The following METTL15 variants were observed in gnomAD, a reference collection of about 807,000 sequenced individuals.
METTL15 encodes methyltransferase 15, mitochondrial 12S rRNA N4-cytidine, also known as 12S rRNA N(4)-cytidine methyltransferase METTL15.
A neutral mutation model predicts 38.3 loss-of-function variants in METTL15; 34 were observed. That is an observed-to-expected ratio of 0.89 (90% CI 0.68 to 1.18). METTL15 has a LOEUF of 1.18. Among genes scored for constraint, METTL15 ranks in the 50% most tolerant of loss-of-function variants. METTL15 has a pLI of 0.00. For missense variants in METTL15, 438 were observed against 498.4 expected (o/e 0.88, Z 1.15); for synonymous variants, 162 against 170.9 (o/e 0.95, Z 0.41).
chr11:28,133,865 A>G (rs1425388413), intron 3 of METTL15, among the ~76,000 whole-genome samples: 5 of 152,190 alleles, frequency 3.3e-5, no homozygotes, highest in African/African-American at 1.2e-4. Context: ...GAGATAATGA[A>G]TATATATTTG....
intron 6 of METTL15, among the ~76,000 whole-genome samples, chr11:28,479,128 T>C (rs993875258): frequency 1.9e-4 from 29 of 151,900 alleles, no homozygotes; most frequent in Non-Finnish European, 1.8e-4. Flanking sequence ...ATTCCAGCCA[T>C]GATCAGTTGA....
At chr11:28,374,636 T>C (rs1850285219) in intron 5 of METTL15, among the ~76,000 whole-genome samples, 1 of 145,768 alleles carries the variant, frequency 6.9e-6, no homozygotes, top group South Asian at 2.3e-4. Context: ...CTTCCTCTTT[T>C]CCTAATTGAA....
At chr11:28,238,973 T>C (rs1297323432) in intron 4 of METTL15, among the ~76,000 whole-genome samples, 4 of 152,200 alleles carry the variant, frequency 2.6e-5, no homozygotes, top group Admixed American at 2.0e-4. Flanking sequence ...TTTTTTTTCC[T>C]ATCTGTACTG....
At chr11:28,310,950 GTGGTGGTGGTGGTGGGT>G (rs1857266306) in intron 6 of METTL15, among the ~76,000 whole-genome samples, 2 of 142,712 alleles carry the variant, frequency 1.4e-5, no homozygotes, top group Admixed American at 7.0e-5. Context: ...GGTGGTGGTG[GTGGTGGTGGTGGTGGGT>G]GTGTGTGTGT....
At chr11:28,226,540 A>G (rs1853485111) in intron 4 of METTL15, among the ~76,000 whole-genome samples, 1 of 151,852 alleles carries the variant, frequency 6.6e-6, no homozygotes, top group Non-Finnish European at 1.5e-5. Context: ...GAAGTTTATC[A>G]TTTTCCTTCT....
chr11:28,510,985 G>C (rs1851669017), intron 6 of METTL15, among the ~76,000 whole-genome samples: 1 of 152,174 alleles, frequency 6.6e-6, no homozygotes, highest in African/African-American at 2.4e-5. Context: ...ACACTGGAGG[G>C]CTTCTGAAGG....
At chr11:28,134,710 A>G (rs921399493) in intron 3 of METTL15, 1 of 397,472 alleles carries the variant, frequency 2.5e-6, no homozygotes, top group Non-Finnish European at 4.4e-6. Flanking sequence ...TCACCATTTG[A>G]AGTTTAATGG....
chr11:28,308,892 G>GTAGGTAGATAGA (rs72449461), intron 6 of METTL15, among the ~76,000 whole-genome samples: 197 of 147,000 alleles, frequency 1.3e-3, no homozygotes, highest in East Asian at 2.4e-3. Flanking sequence ...AGGTAGGTAG[G>GTAGGTAGATAGA]TAGATAGATA....
Position 28,396,909 on chromosome 11 carries a change from C to G in METTL15, c.*359-27390C>G, listed in dbSNP as rs181212401. ...ACAACAGAGAAATAGACCAATGGAA[C>G]AGAACAGAGCCCTCAGAAATAATAC... is the stretch of plus-strand genomic sequence containing the variant. On this transcript the variant is annotated intron_variant and NMD_transcript_variant, in intron 5 of 7. Coordinates refer to the METTL15 transcript ENST00000532947. 9.7e-3 allele frequency among the ~76,000 whole-genome samples: 1,469 copies of G among 152,186 alleles called. 11 individuals carry two copies. The highest frequency in any genetic ancestry group is 0.016 in the Non-Finnish European group (1,122 of 68,002).
Position 28,332,500 on chromosome 11 carries a change from T to C in METTL15, c.*1659T>C, listed in dbSNP as rs1321221070. Reference sequence around the variant, plus strand: ...TTTTTTATGTTAAATAGAAACTGAATGTACTGGGTTGAATGGTGTCCTCTC... The same window carrying C: ...TTTTTTATGTTAAATAGAAACTGAACGTACTGGGTTGAATGGTGTCCTCTC... On this transcript the variant is annotated 3_prime_UTR_variant, in exon 7 of 7. Coordinates refer to ENST00000407364, the MANE Select transcript of METTL15 (RefSeq NM_001113528.2). 6.6e-6 allele frequency: 1 copy of C among 151,434 alleles called. No homozygotes were observed. Among genetic ancestry groups the C allele is most frequent in the Non-Finnish European group, 1.5e-5 (1 of 67,962 alleles). 9.4% of individuals were successfully genotyped at this position (151,434 alleles called of 1,614,324 possible). A position where few individuals can be genotyped will look rare whatever the true frequency, so the allele number is the denominator to read the frequency against.
chr11:28,246,054 C>T lies in METTL15; in HGVS notation c.407+34856C>T, dbSNP rs147933025. On this transcript the variant is annotated intron_variant, in intron 4 of 6. Transcript: ENST00000407364. Reference sequence around the variant, plus strand: ...AATAAAAATATTATTTCTGGCGAGGCGGCGATGAAAAGAGGTTGATTAATG... The same window carrying T: ...AATAAAAATATTATTTCTGGCGAGGTGGCGATGAAAAGAGGTTGATTAATG... 1.7e-4 allele frequency among the ~76,000 whole-genome samples: 26 copies of T among 151,956 alleles called. No homozygotes were observed. The East Asian group carries it at 1.9e-3, about 11-fold the overall frequency.
At chr11:28,132,298 A>G (rs181346113) in intron 3 of METTL15, among the ~76,000 whole-genome samples, 1 of 152,232 alleles carries the variant, frequency 6.6e-6, no homozygotes, top group East Asian at 1.9e-4. Flanking sequence ...TTTAAATGGT[A>G]ATATGTAATA....
chr11:28,475,402 A>G (rs1851337553), intron 6 of METTL15, among the ~76,000 whole-genome samples: 1 of 152,240 alleles, frequency 6.6e-6, no homozygotes, highest in Admixed American at 6.5e-5. Context: ...TCTATTGTCC[A>G]AGATTTCTAC....
At chr11:28,111,630 CTG>C (rs1484866390) in intron 2 of METTL15, among the ~76,000 whole-genome samples, 2 of 152,178 alleles carry the variant, frequency 1.3e-5, no homozygotes, top group Non-Finnish European at 2.9e-5. Flanking sequence ...TGGGGGTAGA[CTG>C]TGTTACAATT....
At chr11:28,385,147 A>T (rs1850427451) in intron 5 of METTL15, among the ~76,000 whole-genome samples, 1 of 152,154 alleles carries the variant, frequency 6.6e-6, no homozygotes, top group Admixed American at 6.6e-5. Flanking sequence ...CTTTAGTTTA[A>T]TTAGAAGCCA....
chr11:28,303,308 T>C (rs1856973483), intron 6 of METTL15, among the ~76,000 whole-genome samples: 1 of 152,194 alleles, frequency 6.6e-6, no homozygotes, highest in East Asian at 1.9e-4. Flanking sequence ...ATAGTTATGA[T>C]AATAATCATT....
chr11:28,498,309 C>A (rs1360691966), intron 6 of METTL15, among the ~76,000 whole-genome samples: 1 of 152,018 alleles, frequency 6.6e-6, no homozygotes, highest in Non-Finnish European at 1.5e-5. Context: ...TAGGCGCCCA[C>A]CACCACGCCC....
chr11:28,300,838 AGAGTTG>A (rs1488757720), intron 6 of METTL15, among the ~76,000 whole-genome samples: 4 of 152,170 alleles, frequency 2.6e-5, no homozygotes, highest in Admixed American at 6.5e-5. Context: ...TTCTAGCTAA[AGAGTTG>A]GAGTTGTAAA....
At chr11:28,527,710 T>C (rs563267333), downstream of METTL15, among the ~76,000 whole-genome samples, 2 of 152,340 alleles carry the variant, frequency 1.3e-5, no homozygotes, top group South Asian at 4.1e-4. Context: ...AAGGAAGTGA[T>C]AATTGAACGA....
Sources: allele counts gnomAD v4.1 joint callset (sites outside exome capture counted in the v4.1 genomes callset), GRCh38; gene constraint gnomAD v4.1.1; transcripts MANE v1.5; gene names NCBI Gene and HGNC (gene_info 2026-07-23, HGNC 2026-07-21).